SYNPR: variants seen among roughly 807,000 people sequenced by gnomAD.
SYNPR encodes the protein synaptoporin.
Under a neutral mutation model 32.9 loss-of-function variants are expected in SYNPR, and 23 were observed. The ratio of observed to expected loss-of-function variants is 0.70; its 90% CI spans 0.50 to 0.99. The LOEUF is 0.99. Among genes scored for constraint, SYNPR ranks in the 50% least tolerant of loss-of-function variants. The pLI is 0.00. For missense variants in SYNPR, 318 were observed against 349.3 expected, an observed-to-expected ratio of 0.91 and a Z score of 0.71; for synonymous variants, 146 against 135.9, an observed-to-expected ratio of 1.07 and a Z score of -0.52.
intron 2 of SYNPR, among the ~76,000 whole-genome samples, chr3:63,442,214 A>C (rs1178646175): frequency 6.7e-6 from 1 of 150,214 alleles, no homozygotes; most frequent in Non-Finnish European, 1.5e-5. Context: ...AGAGAGAAGG[A>C]GACAGAGATA....
At chr3:63,595,188 C>T (rs1009448023) in intron 4 of SYNPR, among the ~76,000 whole-genome samples, 9 of 152,112 alleles carry the variant, frequency 5.9e-5, no homozygotes, top group African/African-American at 2.2e-4. Flanking sequence ...AAGTTCTCAT[C>T]CAAAATGGAA....
chr3:63,530,854 G>C lies in SYNPR; in HGVS notation c.210-25689G>C, dbSNP rs149620422. ...TGTAGTCAGCTAGCTAAATGGCAAA[G>C]CAGAGTGCCAGTATAAACAAATTGC... On this transcript the variant is annotated intron_variant, in intron 3 of 5. Transcript: ENST00000478300. Among the ~76,000 whole-genome samples, 179 of 152,298 alleles carry C rather than the reference G, an allele frequency of 1.2e-3. 2 individuals carry two copies. In the South Asian group the frequency reaches 0.023, roughly 19 times the overall value.
chr3:63,536,207 A>G (rs1237128630), intron 3 of SYNPR, among the ~76,000 whole-genome samples: 1 of 152,178 alleles, frequency 6.6e-6, no homozygotes, highest in African/African-American at 2.4e-5. Context: ...AAGACAAATT[A>G]TGCAAATAAT....
At chr3:63,462,091 C>A (rs951739638) in intron 2 of SYNPR, among the ~76,000 whole-genome samples, 2 of 152,046 alleles carry the variant, frequency 1.3e-5, no homozygotes, top group African/African-American at 4.8e-5. Flanking sequence ...CCTTTCCTTT[C>A]CCCAAGCCTG....
At chr3:63,411,612 C>T (rs1042939618) in intron 2 of SYNPR, among the ~76,000 whole-genome samples, 1 of 152,106 alleles carries the variant, frequency 6.6e-6, no homozygotes, top group Non-Finnish European at 1.5e-5. Context: ...GGCCAAGAGA[C>T]AGCCAGCGGG....
intron 1 of SYNPR, among the ~76,000 whole-genome samples, chr3:63,228,590 C>T (rs1022358630): frequency 6.6e-6 from 1 of 152,046 alleles, no homozygotes; most frequent in Non-Finnish European, 1.5e-5. Flanking sequence ...CTGTATTCTT[C>T]TTCATTTATT....
chr3:63,253,406 C>G (rs1348539902), intron 2 of SYNPR, among the ~76,000 whole-genome samples: 1 of 152,182 alleles, frequency 6.6e-6, no homozygotes, highest in Non-Finnish European at 1.5e-5. Flanking sequence ...ATTTGGACAA[C>G]TGCATTGCCT....
At chr3:63,214,290 T>C in the SYNPR span, among the ~76,000 whole-genome samples, 1 of 33,858 alleles carries the variant, frequency 3.0e-5, no homozygotes, top group Non-Finnish European at 6.9e-5. Context: ...ATGGTACCAG[T>C]TCCTCCTTGT....
chr3:63,368,586 G>C (rs2087755468), intron 2 of SYNPR, among the ~76,000 whole-genome samples: 1 of 152,124 alleles, frequency 6.6e-6, no homozygotes, highest in South Asian at 2.1e-4. Context: ...CCAGACGAGT[G>C]AATCTGGACC....
chr3:63,355,706 C>CA (rs1422038391), intron 2 of SYNPR, among the ~76,000 whole-genome samples: 1 of 151,954 alleles, frequency 6.6e-6, no homozygotes, highest in African/African-American at 2.4e-5. Flanking sequence ...GTACTCTGGC[C>CA]CCCCCAGCCA....
At chr3:63,217,602 A>T in the SYNPR span, among the ~76,000 whole-genome samples, 2 of 146,408 alleles carry the variant, frequency 1.4e-5, no homozygotes, top group Admixed American at 1.4e-4. Flanking sequence ...GCCTGCGCCC[A>T]CTGTCTGGCA....
chr3:63,415,499 C>T (rs188431748), intron 2 of SYNPR, among the ~76,000 whole-genome samples: 75 of 151,506 alleles, frequency 5.0e-4, no homozygotes, highest in African/African-American at 1.7e-3. Context: ...CAGTTTTTTT[C>T]TTTAAAGGGC....
rs138281464 is a variant in SYNPR at position 63,289,458 on chromosome 3, C to G, written c.84+10716C>G. 3 of 163,726 alleles carry G rather than the reference C, an allele frequency of 1.8e-5. 1 individual carries two copies. Among genetic ancestry groups the G allele is most frequent in the Non-Finnish European group, 3.9e-5 (3 of 77,720 alleles). The allele number at this position is 163,726 out of a possible 1,614,324, so 10.1% of individuals were successfully genotyped here. ...ACTCATGGCAGAAGGCAGAGAGGAG[C>G]TGGTGTGTGCAGAGATCACATGGTG... On this transcript the variant is annotated intron_variant, in intron 2 of 5. Coordinates refer to ENST00000478300, the MANE Select transcript of SYNPR (RefSeq NM_001130003.2).
At chr3:63,536,356 A>G (rs1295838057) in intron 3 of SYNPR, among the ~76,000 whole-genome samples, 1 of 152,188 alleles carries the variant, frequency 6.6e-6, no homozygotes, top group African/African-American at 2.4e-5. Flanking sequence ...CAAAAAGCAC[A>G]TTAAAAGGTG....
At chr3:63,477,530 G>A (rs555235402) in intron 2 of SYNPR, among the ~76,000 whole-genome samples, 6 of 152,318 alleles carry the variant, frequency 3.9e-5, no homozygotes, top group Non-Finnish European at 5.9e-5. Context: ...GCAGGTAAAT[G>A]AGACATGGCT....
intron 2 of SYNPR, among the ~76,000 whole-genome samples, chr3:63,383,922 G>A (rs952239042): frequency 6.6e-6 from 1 of 152,252 alleles, no homozygotes; most frequent in African/African-American, 2.4e-5. Context: ...GTAACTATGT[G>A]TGGTGATGAA....
At chr3:63,422,347 A>G (rs781779031) in intron 2 of SYNPR, among the ~76,000 whole-genome samples, 8 of 152,106 alleles carry the variant, frequency 5.3e-5, no homozygotes, top group Non-Finnish European at 7.3e-5. Flanking sequence ...TCATTGTTCC[A>G]TCATGTAGAC....
chr3:63,485,041 G>T (rs960995151), intron 3 of SYNPR, among the ~76,000 whole-genome samples: 3 of 152,154 alleles, frequency 2.0e-5, no homozygotes, highest in Admixed American at 2.0e-4. Context: ...TGAGATGCTT[G>T]TTAGAAGCAC....
chr3:63,254,623 T>C (rs976064838), intron 2 of SYNPR, among the ~76,000 whole-genome samples: 1 of 152,130 alleles, frequency 6.6e-6, no homozygotes, highest in Non-Finnish European at 1.5e-5. Context: ...AGATAATTTT[T>C]TATTGTGTAT....
Sources: gnomAD v4.1 joint callset for allele counts (sites outside exome capture counted in the v4.1 genomes callset) on GRCh38, gnomAD v4.1.1 for gene constraint, MANE v1.5 for transcripts, NCBI Gene and HGNC (gene_info 2026-07-23, HGNC 2026-07-21) for gene names.